Variants in SLC6A2 observed in about 807,000 individuals in gnomAD.
The protein encoded by SLC6A2 is sodium-dependent noradrenaline transporter.
In SLC6A2, 26 loss-of-function variants were observed where a neutral mutation model predicts 71.7. The observed-to-expected ratio is 0.36, with a 90% confidence interval of 0.27 to 0.50. The LOEUF is 0.50. SLC6A2 is among the 20% of genes least tolerant of loss of function. The probability of loss-of-function intolerance (pLI) is 0.96; values close to 1 mark genes in which losing one functional copy is unlikely to be tolerated. For missense variants in SLC6A2, 581 were observed against 803.9 expected, an observed-to-expected ratio of 0.72 and a Z score of 3.35; for synonymous variants, 363 against 337.9, an observed-to-expected ratio of 1.07 and a Z score of -0.82.
Position 55,691,230 on chromosome 16 carries a change from GGAGA to G in SLC6A2, c.784-639_784-636del, listed in dbSNP as rs56308124. ...AAAGAGAGGGGGGGAGGGGAGAGGGGGAGAGAGAGAGAGAGAGAGAGAGAGAGAG... is the reference window on the plus strand; with the variant it reads ...AAAGAGAGGGGGGGAGGGGAGAGGGGGAGAGAGAGAGAGAGAGAGAGAGAG... On this transcript the variant is annotated intron_variant, in intron 5 of 14. Transcript: ENST00000568943. Among the ~76,000 whole-genome samples the G allele has an allele frequency of 9.1e-3, 422 of 46,412 alleles. 6 individuals carry two copies. The highest frequency in any genetic ancestry group is 0.01 in the Non-Finnish European group (270 of 25,994). The allele number at this position is 46,412 out of a possible 152,430, so 30.4% of individuals were successfully genotyped here. A position where few individuals can be genotyped will look rare whatever the true frequency, so the allele number is the denominator to read the frequency against.
Position 55,706,120 on chromosome 16 carries a change from T to C in SLC6A2, c.*3774T>C, listed in dbSNP as rs1429448701. ...GTCATGCAGATTTCTGTGTCTGATATGGATTTTAAAAGTTGTTCTCTTTGT... is the reference window on the plus strand; with the variant it reads ...GTCATGCAGATTTCTGTGTCTGATACGGATTTTAAAAGTTGTTCTCTTTGT... On this transcript the variant is annotated 3_prime_UTR_variant, in exon 15 of 15. Transcript: ENST00000568943. 2 of 152,258 alleles carry C rather than the reference T, an allele frequency of 1.3e-5. No homozygotes were observed. Among genetic ancestry groups the C allele is most frequent in the South Asian group, 2.1e-4 (1 of 4,826 alleles). 9.4% of individuals were successfully genotyped at this position (152,258 alleles called of 1,614,324 possible). A position where few individuals can be genotyped will look rare whatever the true frequency, so the allele number is the denominator to read the frequency against.
intron 9 of SLC6A2, among the ~76,000 whole-genome samples, chr16:55,697,263 C>T (rs573652920): frequency 6.6e-6 from 1 of 152,254 alleles, no homozygotes; most frequent in South Asian, 2.1e-4. Flanking sequence ...ATGAAGAATA[C>T]TGATTTTGAT....
chr16:55,700,091 T>C, intron 12 of SLC6A2, 48 bp from the exon 13 acceptor site: 1 of 1,540,902 alleles, frequency 6.5e-7, no homozygotes, highest in Non-Finnish European at 9.0e-7. Context: ...CTTTCTTGTC[T>C]CTCTTCTGTC....
rs1233850535 is a variant in SLC6A2 at position 55,656,277 on chromosome 16, C to G, written c.-52+108C>G. 4 of 318,332 alleles carry G rather than the reference C, an allele frequency of 1.3e-5. No homozygotes were observed. Among genetic ancestry groups the G allele is most frequent in the South Asian group, 5.9e-5 (2 of 34,126 alleles). 19.7% of individuals were successfully genotyped at this position (318,332 alleles called of 1,614,324 possible). ...TTGTAGTGCAGTGACGTTAAGTGTC[C>G]GAGAAGGCTCCTGTGGCTGTTGAAG... is the stretch of plus-strand genomic sequence containing the variant. On this transcript the variant is annotated intron_variant, in intron 1 of 14. Coordinates refer to ENST00000568943, the MANE Select transcript of SLC6A2 (RefSeq NM_001172501.3). This position sits in a 1 kb window ranked among gnomAD's most constrained non-coding sequence, Gnocchi z 4.5.
chr16:55,682,020 C>T (rs1322990040), intron 4 of SLC6A2, among the ~76,000 whole-genome samples: 1 of 152,224 alleles, frequency 6.6e-6, no homozygotes, highest in African/African-American at 2.4e-5. Flanking sequence ...AATTCTCATG[C>T]TTCAGTCTCC....
At chr16:55,684,802 A>C (rs1965394440) in intron 4 of SLC6A2, among the ~76,000 whole-genome samples, 2 of 152,204 alleles carry the variant, frequency 1.3e-5, no homozygotes, top group African/African-American at 4.8e-5. Context: ...TGCTCTTTAT[A>C]GTGTGAGTTC....
rs755629703 is a variant in SLC6A2 at position 55,669,660 on chromosome 16, G to C, written c.370G>C (p.Ala124Pro). 6.2e-7 allele frequency: 1 copy of C among 1,614,110 alleles called. No individual in the cohort carries two copies. ...TCTGGGACAGTACAACCGGGAGGGG[G>C]CTGCCACCGTTTGGAAAATCTGCCC... ...LALGQYNREG[A>P]ATVWKICPFF... Residue 124 changes from alanine to proline, a missense_variant, in exon 3 of 15, where the codon GCT becomes CCT. Ala to Pro is a conservative substitution (Grantham distance 27). This residue lies in a region of SLC6A2 where 81 missense variants were observed against 152.4 expected (regional missense o/e 0.53). Coordinates refer to ENST00000568943, the MANE Select transcript of SLC6A2 (RefSeq NM_001172501.3).
chr16:55,685,130 C>T lies in SLC6A2; in HGVS notation c.645-13C>T. 1 of 1,614,112 alleles carries T rather than the reference C, an allele frequency of 6.2e-7. No individual in the cohort carries two copies. The highest frequency in any genetic ancestry group is 8.5e-7 in the Non-Finnish European group (1 of 1,180,002). The stretch of plus-strand genomic sequence containing the variant: ...GACATTTACCCTGGTCCCCTCCCCT[C>T]TCCTCTGGGCAGGCGTGGTGTCCTG... On this transcript the variant is annotated splice_polypyrimidine_tract_variant and intron_variant, in intron 4 of 14. Coordinates refer to ENST00000568943, the MANE Select transcript of SLC6A2 (RefSeq NM_001172501.3).
At chr16:55,678,158 T>A (rs1293310223) in intron 4 of SLC6A2, among the ~76,000 whole-genome samples, 1 of 152,132 alleles carries the variant, frequency 6.6e-6, no homozygotes, top group African/African-American at 2.4e-5. Flanking sequence ...GATAAGAGAG[T>A]GTAGGCTCCG....
chr16:55,668,981 T>G (rs1964828231), intron 2 of SLC6A2, among the ~76,000 whole-genome samples: 1 of 152,180 alleles, frequency 6.6e-6, no homozygotes, highest in South Asian at 2.1e-4. Context: ...TGACCCTGAC[T>G]GGTTATTATG....
intron 4 of SLC6A2, among the ~76,000 whole-genome samples, chr16:55,678,532 T>G (rs1451993268): frequency 6.6e-6 from 1 of 152,160 alleles, no homozygotes; most frequent in African/African-American, 2.4e-5. Context: ...ACAAAACTGC[T>G]ATTCTCCCCA....
Position 55,704,329 on chromosome 16 carries a change from G to A in SLC6A2, c.*1983G>A, listed in dbSNP as rs1223293029. ...AGTCACTCTTGCTCAAGGTTTTTTA[G>A]CAACTAACAGATCGAGTTGGGCCTT... On this transcript the variant is annotated 3_prime_UTR_variant, in exon 15 of 15. Coordinates refer to ENST00000568943, the MANE Select transcript of SLC6A2 (RefSeq NM_001172501.3). 6.6e-6 allele frequency: 1 copy of A among 152,132 alleles called. No homozygotes were observed. The highest frequency in any genetic ancestry group is 1.5e-5 in the Non-Finnish European group (1 of 68,032). 9.4% of individuals were successfully genotyped at this position (152,132 alleles called of 1,614,324 possible). A position where few individuals can be genotyped will look rare whatever the true frequency, so the allele number is the denominator to read the frequency against.
In SLC6A2 at chr16:55,664,946, C is replaced by T. The variant is rs149304890; in HGVS notation, c.275-4619C>T. Among the ~76,000 whole-genome samples, 135 of 152,322 alleles carry T rather than the reference C, an allele frequency of 8.9e-4. 1 individual carries two copies. Among genetic ancestry groups the T allele is most frequent in the African/African-American group, 3.0e-3 (126 of 41,562 alleles). ...CGGACGGTGGAATTCCCTGCCCAAA[C>T]AGCCTCAGGCACCCTTCTGGGTCTA... On this transcript the variant is annotated intron_variant, in intron 2 of 14. Transcript: ENST00000568943.
At chr16:55,700,524 G>T (rs1355430967) in intron 13 of SLC6A2, among the ~76,000 whole-genome samples, 3 of 152,146 alleles carry the variant, frequency 2.0e-5, no homozygotes, top group Non-Finnish European at 1.5e-5. Context: ...CAAAAAAGAA[G>T]TACTTAGCAC....
chr16:55,684,512 C>T (rs1965384357), intron 4 of SLC6A2, among the ~76,000 whole-genome samples: 1 of 152,212 alleles, frequency 6.6e-6, no homozygotes, highest in East Asian at 1.9e-4. Context: ...AGCCTATCTT[C>T]AGCTTTAGTA....
At chr16:55,695,624 G>A (rs1398314749) in intron 8 of SLC6A2, among the ~76,000 whole-genome samples, 1 of 152,230 alleles carries the variant, frequency 6.6e-6, no homozygotes, top group Non-Finnish European at 1.5e-5. Context: ...GAGTCAGGGT[G>A]GAAGGAACGG....
chr16:55,685,065 G>C (rs1279648792), intron 4 of SLC6A2, 78 bp from the exon 5 acceptor site: 1 of 1,420,650 alleles, frequency 7.0e-7, no homozygotes, highest in African/African-American at 1.4e-5. Context: ...GCATTTGCAG[G>C]GACTGGTCTG....
At chr16:55,659,364 G>A (rs1405837413) in intron 2 of SLC6A2, among the ~76,000 whole-genome samples, 1 of 152,174 alleles carries the variant, frequency 6.6e-6, no homozygotes, top group Non-Finnish European at 1.5e-5. Flanking sequence ...GCAAAATAAA[G>A]AGCACCTGTT....
chr16:55,676,771 T>G (rs571393652), intron 4 of SLC6A2, among the ~76,000 whole-genome samples: 1 of 152,324 alleles, frequency 6.6e-6, no homozygotes, highest in African/African-American at 2.4e-5. Context: ...ATAAGATTAT[T>G]TTTATGAATG....
Sources: gnomAD v4.1 joint callset for allele counts (sites outside exome capture counted in the v4.1 genomes callset) on GRCh38, gnomAD v4.1.1 for gene constraint, gnomAD v4.1.1 regional missense constraint, Gnocchi (gnomAD v3.1) non-coding constraint, MANE v1.5 for transcripts, NCBI Gene and HGNC (gene_info 2026-07-23, HGNC 2026-07-21) for gene names.